The following SMIM10L3 variants were observed in gnomAD, a reference collection of about 807,000 sequenced individuals.
SMIM10L3 encodes salivary gland specific protein SAGSIN1.
chr7:6,346,806 C>T, the SMIM10L3 span, among the ~76,000 whole-genome samples: 8 of 152,164 alleles, frequency 5.3e-5, no homozygotes, highest in African/African-American at 1.7e-4. Context: ...TATGGCCAAA[C>T]CGACGTTAGA....
chr7:6,345,220 C>T, the SMIM10L3 span, among the ~76,000 whole-genome samples: 2 of 151,292 alleles, frequency 1.3e-5, no homozygotes, highest in African/African-American at 2.4e-5. Context: ...TTGGCTCAAG[C>T]GATCCTCCCA....
chr7:6,334,551 T>C, the SMIM10L3 span, among the ~76,000 whole-genome samples: 1 of 151,942 alleles, frequency 6.6e-6, no homozygotes, highest in African/African-American at 2.4e-5. Context: ...TACTGCAAAC[T>C]CTGCCTCCTG....
chr7:6,346,996 A>T, the SMIM10L3 span, among the ~76,000 whole-genome samples: 297 of 152,256 alleles, frequency 2.0e-3, 1 homozygote, highest in African/African-American at 6.8e-3. Context: ...TCTTTGAGAA[A>T]GAATTCTCGA....
At chr7:6,330,888 T>A in the SMIM10L3 span, 1 of 1,614,094 alleles carries the variant, frequency 6.2e-7, no homozygotes, top group Admixed American at 1.7e-5. Flanking sequence ...TTCTTCTTAC[T>A]GATTCTCTCA....
chr7:6,333,560 G>A, the SMIM10L3 span, among the ~76,000 whole-genome samples: 3 of 152,048 alleles, frequency 2.0e-5, no homozygotes, highest in East Asian at 1.9e-4. Context: ...GGACAATGGC[G>A]TGATCACAGC....
chr7:6,329,780 TGAG>T, the SMIM10L3 span: 1 of 166,872 alleles, frequency 6.0e-6, no homozygotes, highest in Non-Finnish European at 1.5e-5. Context: ...GTTCTGAGTT[TGAG>T]AAGGGATCTT....
At chr7:6,346,281 A>C in the SMIM10L3 span, among the ~76,000 whole-genome samples, 3 of 152,094 alleles carry the variant, frequency 2.0e-5, no homozygotes, top group Non-Finnish European at 4.4e-5. Flanking sequence ...TGACCCCTCT[A>C]ATCAGGTATA....
chr7:6,336,491 G>A, the SMIM10L3 span, among the ~76,000 whole-genome samples: 5 of 152,072 alleles, frequency 3.3e-5, no homozygotes, highest in African/African-American at 9.7e-5. Context: ...GACCAGCCTG[G>A]CCAACACAGG....
At chr7:6,337,073 C>CTTTTTTTTTTTTTT in the SMIM10L3 span, among the ~76,000 whole-genome samples, 6 of 144,928 alleles carry the variant, frequency 4.1e-5, no homozygotes, top group South Asian at 2.2e-4. Flanking sequence ...TATTTTAATT[C>CTTTTTTTTTTTTTT]TTTTTTTTTT....
At chr7:6,330,589 T>C in the SMIM10L3 span, 1 of 1,614,048 alleles carries the variant, frequency 6.2e-7, no homozygotes, top group Non-Finnish European at 8.5e-7. Context: ...CAGGATGGAG[T>C]GCAGGCAAGC....
the SMIM10L3 span, among the ~76,000 whole-genome samples, chr7:6,334,345 G>C: frequency 6.6e-6 from 1 of 151,382 alleles, no homozygotes; most frequent in African/African-American, 2.4e-5. Context: ...AGACCAGCCT[G>C]AACAACATGG....
At chr7:6,341,606 C>G in the SMIM10L3 span, among the ~76,000 whole-genome samples, 2 of 142,216 alleles carry the variant, frequency 1.4e-5, no homozygotes, top group East Asian at 4.3e-4. Flanking sequence ...AGGGGAATGG[C>G]GTGAACCCAG....
At chr7:6,340,209 G>T in the SMIM10L3 span, among the ~76,000 whole-genome samples, 1 of 152,130 alleles carries the variant, frequency 6.6e-6, no homozygotes, top group African/African-American at 2.4e-5. Flanking sequence ...GTGAAGATTC[G>T]ATGTATGAGA....
chr7:6,342,552 A>T, the SMIM10L3 span, among the ~76,000 whole-genome samples: 1 of 152,044 alleles, frequency 6.6e-6, no homozygotes, highest in Admixed American at 6.6e-5. Context: ...AAAAAAAGTG[A>T]TCTTTTTGAA....
chr7:6,340,100 G>T, the SMIM10L3 span, among the ~76,000 whole-genome samples: 1 of 151,616 alleles, frequency 6.6e-6, no homozygotes, highest in Non-Finnish European at 1.5e-5. Flanking sequence ...GACCAGGCTG[G>T]TCTCAAACTC....
chr7:6,330,493 G>A, the SMIM10L3 span: 4 of 1,614,142 alleles, frequency 2.5e-6, no homozygotes, highest in South Asian at 4.4e-5. Context: ...TGTTTGCTTT[G>A]AAAACATGGG....
chr7:6,330,706 G>T, the SMIM10L3 span: 1 of 1,614,102 alleles, frequency 6.2e-7, no homozygotes, highest in South Asian at 1.1e-5. Context: ...TGACACCCGA[G>T]GCTCTCCTTT....
the SMIM10L3 span, chr7:6,330,076 C>A: frequency 2.9e-6 from 1 of 347,536 alleles, no homozygotes. Flanking sequence ...ATGTTGAAGA[C>A]AGAACTTCAT....
the SMIM10L3 span, among the ~76,000 whole-genome samples, chr7:6,340,153 G>A: frequency 3.9e-5 from 6 of 152,158 alleles, no homozygotes; most frequent in African/African-American, 1.4e-4. Context: ...CCAAAGTGCT[G>A]GGATTACAGG....
Sources: allele counts gnomAD v4.1 joint callset (sites outside exome capture counted in the v4.1 genomes callset), GRCh38; gene constraint gnomAD v4.1.1; transcripts MANE v1.5; gene names NCBI Gene and HGNC (gene_info 2026-07-23, HGNC 2026-07-21).